ADGRB3: variants seen among roughly 807,000 people sequenced by gnomAD.
ADGRB3 encodes the protein adhesion G protein-coupled receptor B3, also known as brain-specific angiogenesis inhibitor 3.
A neutral mutation model predicts 193.4 loss-of-function variants in ADGRB3; 37 were observed. That is an observed-to-expected ratio of 0.19 (90% CI 0.15 to 0.25). ADGRB3 has a LOEUF of 0.25. ADGRB3 is among the 10% of genes least tolerant of loss of function. The pLI is 1.00. For missense variants in ADGRB3, 1,637 were observed against 1,852.9 expected (o/e 0.88, Z 2.14); for synonymous variants, 690 against 644.2 (o/e 1.07, Z -1.08).
intron 13 of ADGRB3, among the ~76,000 whole-genome samples, chr6:69,022,724 G>A (rs922167044): frequency 6.6e-6 from 1 of 151,844 alleles, no homozygotes; most frequent in African/African-American, 2.4e-5. Flanking sequence ...AAAGTATTTG[G>A]ATTTCTTTTG....
intron 17 of ADGRB3, among the ~76,000 whole-genome samples, chr6:69,172,254 A>C (rs925991908): frequency 2.0e-5 from 3 of 152,172 alleles, no homozygotes; most frequent in Non-Finnish European, 4.4e-5. Flanking sequence ...ACCAAACCTA[A>C]TTATGCCTAC....
intron 17 of ADGRB3, among the ~76,000 whole-genome samples, chr6:69,203,860 C>G (rs1765484206): frequency 6.6e-6 from 1 of 152,142 alleles, no homozygotes; most frequent in African/African-American, 2.4e-5. Flanking sequence ...AGTGATCCTT[C>G]TGCTCTTATG....
At chr6:68,954,872 G>A (rs1018433519) in intron 6 of ADGRB3, among the ~76,000 whole-genome samples, 3 of 151,788 alleles carry the variant, frequency 2.0e-5, no homozygotes, top group Admixed American at 6.6e-5. Context: ...CAGTAGAGAC[G>A]GGGTTTCACC....
chr6:69,139,741 C>T (rs904298340), intron 17 of ADGRB3, among the ~76,000 whole-genome samples: 1 of 152,052 alleles, frequency 6.6e-6, no homozygotes, highest in African/African-American at 2.4e-5. Context: ...ACAAGCTTAC[C>T]CAACCAGTAA....
chr6:69,323,724 A>T (rs1390347987), intron 20 of ADGRB3, among the ~76,000 whole-genome samples: 1 of 152,086 alleles, frequency 6.6e-6, no homozygotes, highest in Non-Finnish European at 1.5e-5. Flanking sequence ...GTGGATAAAC[A>T]TGCTGAAGTT....
rs574868219 is a variant in ADGRB3 at position 68,958,512 on chromosome 6, A to G, written c.1525+1703A>G. 2.2e-4 allele frequency among the ~76,000 whole-genome samples: 33 copies of G among 152,256 alleles called. No homozygotes were observed. In the South Asian group the frequency reaches 5.8e-3, roughly 27 times the overall value. On this transcript the variant is annotated intron_variant, in intron 8 of 31. Coordinates refer to ENST00000370598, the MANE Select transcript of ADGRB3 (RefSeq NM_001704.3). ...TTAAAATTGTCTTTCATCTGCACAT[A>G]TAGAGCCAAGATAGTACTGCTGCAA...
chr6:69,381,085 G>A (rs2127345115), intron 30 of ADGRB3, among the ~76,000 whole-genome samples: 1 of 151,774 alleles, frequency 6.6e-6, no homozygotes. Context: ...CTTAGAACCT[G>A]GTACTGCATG....
intron 17 of ADGRB3, among the ~76,000 whole-genome samples, chr6:69,081,440 C>G (rs1229299897): frequency 6.6e-6 from 1 of 151,880 alleles, no homozygotes; most frequent in African/African-American, 2.4e-5. Context: ...GTTTGCAAAG[C>G]AACCCTGCTC....
chr6:69,054,666 T>G (rs1020924961), intron 15 of ADGRB3, among the ~76,000 whole-genome samples: 4 of 152,150 alleles, frequency 2.6e-5, no homozygotes, highest in Non-Finnish European at 4.4e-5. Flanking sequence ...TTTTTTAAAA[T>G]CTCGGTTTAG....
intron 3 of ADGRB3, among the ~76,000 whole-genome samples, chr6:68,783,901 C>T (rs1451107801): frequency 1.3e-5 from 2 of 151,928 alleles, no homozygotes; most frequent in Non-Finnish European, 2.9e-5. Flanking sequence ...TAAATGTTAC[C>T]TTCGTGTAGT....
intron 3 of ADGRB3, among the ~76,000 whole-genome samples, chr6:68,740,970 G>A (rs891433503): frequency 1.3e-5 from 2 of 152,114 alleles, no homozygotes; most frequent in East Asian, 3.9e-4. Flanking sequence ...CATGCATACA[G>A]TGATATATGT....
At chr6:68,870,984 C>A (rs1432727566) in intron 3 of ADGRB3, among the ~76,000 whole-genome samples, 1 of 152,112 alleles carries the variant, frequency 6.6e-6, no homozygotes, top group Non-Finnish European at 1.5e-5. Context: ...TCATTTAATT[C>A]TTCATTTCTT....
At chr6:68,666,740 T>C (rs1768810446) in intron 3 of ADGRB3, among the ~76,000 whole-genome samples, 1 of 151,876 alleles carries the variant, frequency 6.6e-6, no homozygotes, top group Non-Finnish European at 1.5e-5. Context: ...TGAAAACTTA[T>C]TAATGTCATA....
chr6:68,677,264 G>A (rs1464188397), intron 3 of ADGRB3, among the ~76,000 whole-genome samples: 1 of 152,084 alleles, frequency 6.6e-6, no homozygotes, highest in Admixed American at 6.6e-5. Context: ...TTCCTAACTA[G>A]TAAAAGATGT....
intron 3 of ADGRB3, among the ~76,000 whole-genome samples, chr6:68,799,202 C>G (rs1767267733): frequency 6.6e-6 from 1 of 152,038 alleles, no homozygotes; most frequent in South Asian, 2.1e-4. Flanking sequence ...GATCTGCATA[C>G]ACTCACAAGC....
chr6:69,346,376 G>A (rs868783238), intron 26 of ADGRB3, among the ~76,000 whole-genome samples: 1 of 152,134 alleles, frequency 6.6e-6, no homozygotes, highest in Non-Finnish European at 1.5e-5. Context: ...CATGGTACTG[G>A]TACCAAAACA....
intron 3 of ADGRB3, among the ~76,000 whole-genome samples, chr6:68,757,192 T>C (rs2127349533): frequency 6.6e-6 from 1 of 152,258 alleles, no homozygotes; most frequent in South Asian, 2.1e-4. Context: ...ATAAGCTTTT[T>C]TGACCAGGTC....
At chr6:69,048,145 A>G (rs1271542907) in intron 13 of ADGRB3, 40 bp from the exon 14 acceptor site, 6 of 1,587,106 alleles carry the variant, frequency 3.8e-6, no homozygotes, top group Non-Finnish European at 5.2e-6. Flanking sequence ...ACTAAAATGT[A>G]AAGCAAGTTT....
At chr6:69,030,362 C>G (rs908935303) in intron 13 of ADGRB3, among the ~76,000 whole-genome samples, 6 of 152,126 alleles carry the variant, frequency 3.9e-5, no homozygotes, top group Non-Finnish European at 8.8e-5. Context: ...TTGGAACCAA[C>G]CCAAATGCCC....
Sources: gnomAD v4.1 joint callset for allele counts (sites outside exome capture counted in the v4.1 genomes callset) on GRCh38, gnomAD v4.1.1 for gene constraint, MANE v1.5 for transcripts, NCBI Gene and HGNC (gene_info 2026-07-23, HGNC 2026-07-21) for gene names.